Variants in PARVB observed in about 807,000 individuals in gnomAD.
The protein encoded by PARVB is beta-parvin.
A neutral mutation model predicts 47.0 loss-of-function variants in PARVB; 46 were observed. The observed-to-expected ratio is 0.98, with a 90% CI of 0.77 to 1.25. PARVB has a LOEUF of 1.25. Ranked by LOEUF, PARVB falls within the 50% of genes most tolerant of loss-of-function variation. The probability of loss-of-function intolerance (pLI) is 0.00; values close to 1 mark genes in which losing one functional copy is unlikely to be tolerated. For missense variants in PARVB, 473 were observed against 471.6 expected (o/e 1.00, Z -0.03); for synonymous variants, 196 against 196.3 (o/e 1.00, Z 0.01).
intron 1 of PARVB, among the ~76,000 whole-genome samples, chr22:44,085,291 GTTTTCTTTTTCT>G (rs202198824): frequency 4.3e-4 from 66 of 151,960 alleles, no homozygotes; most frequent in African/African-American, 8.7e-4. Context: ...CTGCAACATG[GTTTTCTTTTTCT>G]TTTTCTTTTT....
chr22:44,143,933 C>G (rs2053610312), intron 8 of PARVB: 1 of 152,524 alleles, frequency 6.6e-6, no homozygotes, highest in Non-Finnish European at 1.5e-5. Flanking sequence ...CTTCACGTCT[C>G]TCCCATTTCT....
chr22:44,093,157 A>G (rs1033922599), intron 1 of PARVB, among the ~76,000 whole-genome samples: 2 of 152,012 alleles, frequency 1.3e-5, no homozygotes, highest in Non-Finnish European at 2.9e-5. Context: ...TACAGAAGCA[A>G]GGGTTTTGGC....
chr22:44,148,664 C>G (rs756995015), intron 9 of PARVB: 3 of 153,146 alleles, frequency 2.0e-5, no homozygotes, highest in African/African-American at 7.2e-5. Flanking sequence ...CAAGACTTGT[C>G]AGAACCTTTA....
intron 11 of PARVB, 22 bp downstream of exon 11, chr22:44,158,105 T>C (rs1441477220): frequency 6.7e-7 from 1 of 1,483,890 alleles, no homozygotes; most frequent in Non-Finnish European, 9.4e-7. Flanking sequence ...GTCTCCATCC[T>C]TGGTAGGGGC....
intron 1 of PARVB, among the ~76,000 whole-genome samples, chr22:44,072,254 C>G (rs145294127): frequency 1.2e-3 from 189 of 152,268 alleles, no homozygotes; most frequent in African/African-American, 3.9e-3. Flanking sequence ...CATCATGAGG[C>G]CCCTGAAAGA....
chr22:44,063,625 G>A (rs1444876036), intron 1 of PARVB, among the ~76,000 whole-genome samples: 2 of 152,138 alleles, frequency 1.3e-5, no homozygotes, highest in Admixed American at 6.5e-5. Flanking sequence ...CAGGCAGGGT[G>A]TGGGGTTAGT....
chr22:44,135,586 T>G (rs1601660734), intron 6 of PARVB, among the ~76,000 whole-genome samples: 1 of 152,216 alleles, frequency 6.6e-6, no homozygotes, highest in Non-Finnish European at 1.5e-5. Flanking sequence ...TGCCACGCTC[T>G]GGGAGAAGTG....
At chr22:44,024,228 G>A, upstream of PARVB, 1 of 395,516 alleles carries the variant, frequency 2.5e-6, no homozygotes, top group Non-Finnish European at 3.4e-6. Flanking sequence ...GGCCAGGGGC[G>A]GGGGCGGGAC....
At chr22:44,064,495 A>AAGAAGGGG (rs2051481680) in intron 1 of PARVB, among the ~76,000 whole-genome samples, 2 of 152,120 alleles carry the variant, frequency 1.3e-5, no homozygotes, top group Admixed American at 1.3e-4. Context: ...CGTGACCTTG[A>AAGAAGGGG]AGAAGGGGCA....
At chr22:44,027,812 C>T (rs1472780865) in intron 1 of PARVB, among the ~76,000 whole-genome samples, 1 of 151,428 alleles carries the variant, frequency 6.6e-6, no homozygotes, top group African/African-American at 2.4e-5. Flanking sequence ...GCAGGAGAAT[C>T]GCTTGAACCT....
At chr22:44,066,292 CCT>C (rs2051522646) in intron 1 of PARVB, among the ~76,000 whole-genome samples, 1 of 152,212 alleles carries the variant, frequency 6.6e-6, no homozygotes, top group Non-Finnish European at 1.5e-5. Flanking sequence ...TACTGAAGGG[CCT>C]TTCTCCCTGT....
chr22:44,030,950 G>A (rs987417553), intron 1 of PARVB, among the ~76,000 whole-genome samples: 22 of 152,260 alleles, frequency 1.4e-4, no homozygotes, highest in African/African-American at 5.3e-4. Context: ...GAAGTTGGGG[G>A]ATATAGACAG....
intron 2 of PARVB, chr22:44,010,681 G>A (rs1003586263): frequency 2.6e-5 from 4 of 152,136 alleles, no homozygotes; most frequent in African/African-American, 7.2e-5. Context: ...CAGGTAAAAT[G>A]TGCAGTAAAT....
At chr22:44,100,341 T>C (rs2052413629) in intron 3 of PARVB, among the ~76,000 whole-genome samples, 1 of 152,130 alleles carries the variant, frequency 6.6e-6, no homozygotes, top group Admixed American at 6.5e-5. Flanking sequence ...CGGCTGGGGC[T>C]TTAACGACCA....
chr22:44,085,597 G>A (rs1190285867), intron 1 of PARVB, among the ~76,000 whole-genome samples: 1 of 152,334 alleles, frequency 6.6e-6, no homozygotes, highest in African/African-American at 2.4e-5. Flanking sequence ...AGCCACTGCA[G>A]CTGGCCCAAC....
intron 1 of PARVB, among the ~76,000 whole-genome samples, chr22:44,078,888 C>T (rs779904561): frequency 6.6e-5 from 10 of 152,262 alleles, no homozygotes; most frequent in Middle Eastern, 3.4e-3. Context: ...CCAAGTGCAG[C>T]TAATTTTTTT....
intron 1 of PARVB, among the ~76,000 whole-genome samples, chr22:44,037,238 C>T (rs1376589335): frequency 3.3e-5 from 5 of 151,856 alleles, no homozygotes; most frequent in Admixed American, 6.6e-5. Context: ...GCCTGGCCAA[C>T]ATGGTGAAAC....
Position 44,044,433 on chromosome 22 carries a change from G to A in PARVB, c.112+19982G>A, listed in dbSNP as rs190120364. ...TCTCGATCTCCTGACCTCGTGATCC[G>A]CCCGCCTAGGCCTCCCAAAGTGCTG... On this transcript the variant is annotated intron_variant, in intron 1 of 12. Transcript: ENST00000338758. Among the ~76,000 whole-genome samples, 143 of 151,970 alleles carry A rather than the reference G, an allele frequency of 9.4e-4. 1 individual carries two copies. Among genetic ancestry groups the A allele is most frequent in the African/African-American group, 3.2e-3 (132 of 41,442 alleles).
intron 2 of PARVB, 50 bp downstream of exon 2, chr22:44,094,067 C>A: frequency 1.7e-6 from 2 of 1,192,600 alleles, no homozygotes; most frequent in Non-Finnish European, 2.5e-6. Flanking sequence ...GCTTCCGTGG[C>A]ACTAAGTTGG....
Sources: gnomAD v4.1 joint callset for allele counts (sites outside exome capture counted in the v4.1 genomes callset) on GRCh38, gnomAD v4.1.1 for gene constraint, MANE v1.5 for transcripts, NCBI Gene and HGNC (gene_info 2026-07-23, HGNC 2026-07-21) for gene names.